SPIRE1: variants seen among roughly 807,000 people sequenced by gnomAD.
SPIRE1 encodes protein spire homolog 1.
In SPIRE1, 40 loss-of-function variants were observed where a neutral mutation model predicts 94.1. The observed-to-expected ratio is 0.43, with a 90% CI of 0.33 to 0.55. The LOEUF is 0.55. Among genes scored for constraint, SPIRE1 ranks in the 20% least tolerant of loss-of-function variants. The pLI, the probability that SPIRE1 is intolerant of heterozygous loss-of-function variation, is 0.06. For synonymous variants in SPIRE1, 376 were observed against 371.7 expected (o/e 1.01, Z -0.13); for missense variants, 838 against 975.2 (o/e 0.86, Z 1.87).
At chr18:12,468,192 A>G (rs1234197183) in intron 10 of SPIRE1, among the ~76,000 whole-genome samples, 1 of 152,216 alleles carries the variant, frequency 6.6e-6, no homozygotes, top group Non-Finnish European at 1.5e-5. Flanking sequence ...AAAAAGATCA[A>G]TGATTTTATG....
intron 2 of SPIRE1, chr18:12,588,458 A>C (rs1459058109): frequency 2.0e-5 from 3 of 152,234 alleles, no homozygotes; most frequent in African/African-American, 7.3e-5. Flanking sequence ...ATGTTTAAAT[A>C]GTAGAGATTT....
At chr18:12,470,706 T>G (rs1293027143) in intron 10 of SPIRE1, among the ~76,000 whole-genome samples, 1 of 152,198 alleles carries the variant, frequency 6.6e-6, no homozygotes, top group Non-Finnish European at 1.5e-5. Flanking sequence ...CTATTCCAAC[T>G]GCCTAATCAC....
At chr18:12,530,732 C>G (rs924274141) in intron 4 of SPIRE1, among the ~76,000 whole-genome samples, 1 of 151,978 alleles carries the variant, frequency 6.6e-6, no homozygotes, top group Non-Finnish European at 1.5e-5. Context: ...TTACAAAGGT[C>G]AGTGGTAATA....
At chr18:12,623,575 TATTTTATTTAAATC>T (rs2037537126) in intron 2 of SPIRE1, among the ~76,000 whole-genome samples, 1 of 152,242 alleles carries the variant, frequency 6.6e-6, no homozygotes, top group South Asian at 2.1e-4. Flanking sequence ...ATACTGGTTT[TATTTTATTTAAATC>T]ATTTTAATTT....
rs1002484762 is a variant in SPIRE1, at chr18:12,658,060, G to A, written c.-194C>T. The stretch of plus-strand genomic sequence containing the variant: ...AGAGGAGGGCGGCGAGGACACGGCT[G>A]CAGTCCCGGTCAGACAGCCGCCGGC... On this transcript the variant is annotated 5_prime_UTR_variant, in exon 1 of 17. Transcript: ENST00000409402. The A allele has an allele frequency of 4.3e-5, 43 of 992,018 alleles. No homozygotes were observed. Among genetic ancestry groups the A allele is most frequent in the Middle Eastern group, 1.0e-3 (2 of 1,962 alleles). The allele number at this position is 992,018 out of a possible 1,614,324, so 61.5% of individuals were successfully genotyped here.
At chr18:12,646,760 T>C (rs2038237191) in intron 1 of SPIRE1, among the ~76,000 whole-genome samples, 1 of 152,116 alleles carries the variant, frequency 6.6e-6, no homozygotes, top group Non-Finnish European at 1.5e-5. Context: ...AAAAAATGTA[T>C]TAGGCCCGGC....
At chr18:12,465,798 AT>A (rs1016001237) in intron 10 of SPIRE1, among the ~76,000 whole-genome samples, 28 of 152,118 alleles carry the variant, frequency 1.8e-4, no homozygotes, top group African/African-American at 6.3e-4. Flanking sequence ...AAATGTCTAC[AT>A]TGTGGGCCAG....
chr18:12,618,700 A>G (rs1394626075), intron 2 of SPIRE1, among the ~76,000 whole-genome samples: 1 of 152,202 alleles, frequency 6.6e-6, no homozygotes, highest in East Asian at 1.9e-4. Context: ...ACACAAAAAA[A>G]CTGTTTTTAA....
chr18:12,581,122 T>G (rs1285203101), intron 2 of SPIRE1, among the ~76,000 whole-genome samples: 1 of 152,048 alleles, frequency 6.6e-6, no homozygotes, highest in Admixed American at 6.5e-5. Context: ...CTAGGCCAAG[T>G]AATGATAAAA....
chr18:12,527,894 G>A (rs373639728), intron 4 of SPIRE1, among the ~76,000 whole-genome samples: 15 of 151,926 alleles, frequency 9.9e-5, no homozygotes, highest in Admixed American at 5.3e-4. Context: ...GTGAAACCCC[G>A]TCTCTACTAA....
At chr18:12,576,746 A>G (rs893121105) in intron 2 of SPIRE1, among the ~76,000 whole-genome samples, 4 of 151,708 alleles carry the variant, frequency 2.6e-5, no homozygotes, top group South Asian at 4.2e-4. Flanking sequence ...AAAATTAGCC[A>G]GGCATGGTGG....
intron 2 of SPIRE1, among the ~76,000 whole-genome samples, chr18:12,623,931 T>A (rs2037547965): frequency 7.3e-6 from 1 of 137,132 alleles, no homozygotes; most frequent in Non-Finnish European, 1.5e-5. Flanking sequence ...CTCGGCCTTT[T>A]TTTTTTTCTT....
At chr18:12,552,678 A>C (rs1438388120) in intron 2 of SPIRE1, among the ~76,000 whole-genome samples, 1 of 152,034 alleles carries the variant, frequency 6.6e-6, no homozygotes, top group East Asian at 1.9e-4. Flanking sequence ...TTCCGTTCTA[A>C]TTACCAGTGT....
At chr18:12,597,404 A>T (rs887967787) in intron 2 of SPIRE1, among the ~76,000 whole-genome samples, 3 of 152,136 alleles carry the variant, frequency 2.0e-5, no homozygotes, top group Admixed American at 1.3e-4. Flanking sequence ...GCGTTACTTT[A>T]TTCTGTGTGG....
chr18:12,615,335 A>AAAAAAAAAAATAAAAAAT (rs1555632303), intron 2 of SPIRE1, among the ~76,000 whole-genome samples: 6 of 39,920 alleles, frequency 1.5e-4, no homozygotes, highest in South Asian at 2.2e-3. Flanking sequence ...CTCAAAAAAA[A>AAAAAAAAAAATAAAAAAT]AAAAAAAAAA....
At chr18:12,577,409 A>G (rs1175114519) in intron 2 of SPIRE1, among the ~76,000 whole-genome samples, 3 of 152,132 alleles carry the variant, frequency 2.0e-5, no homozygotes, top group African/African-American at 7.2e-5. Context: ...AGCCTCCCAA[A>G]GTGCTGTGAT....
chr18:12,471,058 C>T (rs2032338225), intron 10 of SPIRE1, among the ~76,000 whole-genome samples: 1 of 149,398 alleles, frequency 6.7e-6, no homozygotes, highest in South Asian at 2.1e-4. Context: ...CTTAGCTTTC[C>T]TACTGGAAGC....
At chr18:12,584,865 C>T (rs1325905466) in intron 2 of SPIRE1, among the ~76,000 whole-genome samples, 3 of 152,102 alleles carry the variant, frequency 2.0e-5, no homozygotes, top group Non-Finnish European at 2.9e-5. Flanking sequence ...CTGCAACCTC[C>T]GCCTCCTGGG....
intron 2 of SPIRE1, among the ~76,000 whole-genome samples, chr18:12,551,126 T>A (rs2035335483): frequency 6.6e-6 from 1 of 152,236 alleles, no homozygotes; most frequent in Admixed American, 6.5e-5. Context: ...GAATAAGTAA[T>A]AAGCACCTCA....
Sources: gnomAD v4.1 joint callset for allele counts (sites outside exome capture counted in the v4.1 genomes callset) on GRCh38, gnomAD v4.1.1 for gene constraint, MANE v1.5 for transcripts, NCBI Gene and HGNC (gene_info 2026-07-23, HGNC 2026-07-21) for gene names.